Variants in VPS8 observed in about 807,000 individuals in gnomAD.
The protein encoded by VPS8 is vacuolar protein sorting-associated protein 8 homolog.
A neutral mutation model predicts 216.4 loss-of-function variants in VPS8; 129 were observed. The observed-to-expected ratio is 0.60, with a 90% confidence interval of 0.52 to 0.69. The LOEUF (loss-of-function observed/expected upper bound fraction) is 0.69, where lower values mean the gene tolerates loss of function less well. Ranked by LOEUF, VPS8 falls within the 30% of genes least tolerant of loss-of-function variation. The probability of loss-of-function intolerance (pLI) is 0.00; values close to 1 mark genes in which losing one functional copy is unlikely to be tolerated. For missense variants in VPS8, 1,531 were observed against 1,683.5 expected (o/e 0.91, Z 1.59); for synonymous variants, 571 against 565.4 (o/e 1.01, Z -0.14).
At chr3:184,999,974 T>A (rs1485610110) in intron 45 of VPS8, 113 bp downstream of exon 45, 1 of 1,188,864 alleles carries the variant, frequency 8.4e-7, no homozygotes, top group East Asian at 2.6e-5. Flanking sequence ...CTGGTGGGTA[T>A]TGGGTACATG....
intron 28 of VPS8, among the ~76,000 whole-genome samples, chr3:184,919,601 G>A (rs1738250641): frequency 6.6e-6 from 1 of 152,102 alleles, no homozygotes; most frequent in African/African-American, 2.4e-5. Context: ...AGTGTTTTGA[G>A]AATAGTAAGT....
chr3:185,038,906 G>A (rs9869435), intron 46 of VPS8, among the ~76,000 whole-genome samples: 44,427 of 152,096 alleles, frequency 0.29, 9,579 homozygotes, highest in African/African-American at 0.61. Flanking sequence ...ACAGCCTCCA[G>A]GGTAGAGCTT....
chr3:184,851,911 A>G (rs1724345604), intron 10 of VPS8, among the ~76,000 whole-genome samples: 1 of 152,242 alleles, frequency 6.6e-6, no homozygotes, highest in South Asian at 2.1e-4. Context: ...CATTGTGAAC[A>G]TGACTTATTA....
chr3:184,900,931 G>A lies in VPS8; in HGVS notation c.2105G>A (p.Arg702Lys), dbSNP rs757565104. ...TTAATTTTAATGCAGAAACTTTTCA[G>A]AGTCATTGCTCCTCCTCTGAATGCA... Reference protein sequence around the residue: ...EFISPMEKLFRVIAPPLNAGK... With the variant: ...EFISPMEKLFKVIAPPLNAGK... Residue 702 changes from arginine to lysine, a missense_variant, in exon 25 of 48, where the codon AGA becomes AAA. By Grantham distance (26) the Arg-to-Lys change is conservative (BLOSUM62 2). Transcript: ENST00000625842. 1.2e-6 allele frequency: 2 copies of A among 1,604,264 alleles called. No individual in the cohort carries two copies. The highest frequency in any genetic ancestry group is 1.7e-6 in the Non-Finnish European group (2 of 1,177,750).
chr3:184,975,744 A>G (rs1577036832), intron 40 of VPS8, among the ~76,000 whole-genome samples: 2 of 152,010 alleles, frequency 1.3e-5, no homozygotes, highest in South Asian at 4.1e-4. Flanking sequence ...TAATTTATTG[A>G]GATTTGTATC....
At position 185,029,680 on chromosome 3, in the gene VPS8, G is replaced by A. The variant is rs183792668; in HGVS notation, c.4056+5291G>A. ...CCCAGGTTCAAGCAGTTCTGCTGCT[G>A]CAGCCTCCCAAGTAGCTGGGACAAG... On this transcript the variant is annotated intron_variant, in intron 46 of 47. Transcript: ENST00000625842. 6.6e-3 allele frequency among the ~76,000 whole-genome samples: 995 copies of A among 151,660 alleles called. 12 individuals carry two copies. Among genetic ancestry groups the A allele is most frequent in the African/African-American group, 0.023 (958 of 41,330 alleles).
chr3:184,934,025 A>G (rs1741171652), intron 34 of VPS8, among the ~76,000 whole-genome samples: 1 of 152,228 alleles, frequency 6.6e-6, no homozygotes, highest in African/African-American at 2.4e-5. Flanking sequence ...GAATCTATCA[A>G]TAATTTTGAA....
At chr3:184,877,539 G>T (rs1729489358) in intron 21 of VPS8, among the ~76,000 whole-genome samples, 1 of 152,092 alleles carries the variant, frequency 6.6e-6, no homozygotes, top group South Asian at 2.1e-4. Flanking sequence ...ATGCCTGATG[G>T]CTATCTTATT....
chr3:185,051,806 A>G, intron 47 of VPS8, 70 bp from the exon 48 acceptor site: 1 of 1,469,734 alleles, frequency 6.8e-7, no homozygotes, highest in South Asian at 1.4e-5. Context: ...TATCTGAAGC[A>G]GTGGATTCAG....
In VPS8 at chr3:184,853,932, G is replaced by A; in HGVS notation, c.897G>A (p.Glu299=). 1 of 1,612,690 alleles carries A rather than the reference G, an allele frequency of 6.2e-7. No homozygotes were observed. Among genetic ancestry groups the A allele is most frequent in the Non-Finnish European group, 8.5e-7 (1 of 1,179,364 alleles). ...CCAAGGGTGAAGTCTGCTGTATTGA[G>A]CCTCTGCATTCTAAGCCTGAGTTGA... is the stretch of plus-strand genomic sequence containing the variant. The part of the protein sequence containing the change: ...SGSKGEVCCI[E]PLHSKPELKD... The change falls in exon 12 of 48, where the codon GAG becomes GAA. Residue 299 remains glutamate (E), a synonymous_variant. Coordinates refer to ENST00000625842, the MANE Select transcript of VPS8 (RefSeq NM_001009921.3).
intron 36 of VPS8, among the ~76,000 whole-genome samples, chr3:184,948,867 A>G (rs939841099): frequency 2.7e-4 from 41 of 152,350 alleles, no homozygotes; most frequent in African/African-American, 9.4e-4. Flanking sequence ...TGATGTGGTT[A>G]TAGAGCTAAA....
Position 184,915,004 on chromosome 3 carries a change from A to G in VPS8, c.2213A>G (p.Tyr738Cys), listed in dbSNP as rs200465302. ...YISCCLAGRA[Y>C]PLGDIPEDLV... Reference sequence around the variant, plus strand: ...AGCTGTTGTCTAGCAGGTCGTGCCTATCCCCTTGGTGACATCCCTGAAGAT... The same window carrying G: ...AGCTGTTGTCTAGCAGGTCGTGCCTGTCCCCTTGGTGACATCCCTGAAGAT... The change falls in exon 27 of 48, where the codon TAT becomes TGT. Residue 738 changes from tyrosine to cysteine, a missense_variant. This residue lies in a region of VPS8 where 1,318 missense variants were observed against 1,468.4 expected (regional missense o/e 0.90). Transcript: ENST00000625842. 74 of 1,613,896 alleles carry G rather than the reference A, an allele frequency of 4.6e-5. 1 individual carries two copies. Among genetic ancestry groups the G allele is most frequent in the South Asian group, 1.2e-4 (11 of 91,088 alleles).
intron 45 of VPS8, among the ~76,000 whole-genome samples, chr3:185,010,538 T>C (rs1577146842): frequency 6.6e-6 from 1 of 151,992 alleles, no homozygotes; most frequent in South Asian, 2.1e-4. Flanking sequence ...AATGGAAATA[T>C]GGAAGTTACA....
intron 15 of VPS8, among the ~76,000 whole-genome samples, chr3:184,861,754 T>TA (rs1398602061): frequency 6.6e-6 from 1 of 152,222 alleles, no homozygotes; most frequent in African/African-American, 2.4e-5. Context: ...CAGGAATAAT[T>TA]ACTAAACTTA....
At chr3:184,859,537 C>T (rs903786975) in intron 14 of VPS8, among the ~76,000 whole-genome samples, 1 of 152,144 alleles carries the variant, frequency 6.6e-6, no homozygotes, top group African/African-American at 2.4e-5. Flanking sequence ...TCATAGTATA[C>T]ATTTTCCATG....
chr3:184,858,980 C>T (rs1725787781), intron 14 of VPS8, among the ~76,000 whole-genome samples: 1 of 152,130 alleles, frequency 6.6e-6, no homozygotes, highest in Non-Finnish European at 1.5e-5. Context: ...CCATTAAAAG[C>T]TTTGCTCTTG....
intron 39 of VPS8, among the ~76,000 whole-genome samples, chr3:184,968,487 A>G (rs1317895745): frequency 6.6e-6 from 1 of 152,176 alleles, no homozygotes. Flanking sequence ...TTCATTTTAC[A>G]TTCCCACCAA....
At chr3:184,918,770 C>T (rs963227105) in intron 28 of VPS8, among the ~76,000 whole-genome samples, 1 of 152,100 alleles carries the variant, frequency 6.6e-6, no homozygotes, top group African/African-American at 2.4e-5. Context: ...CCCTTTGTAC[C>T]TGCAGAGTAT....
At chr3:185,035,264 C>T (rs1177566516) in intron 46 of VPS8, among the ~76,000 whole-genome samples, 1 of 152,032 alleles carries the variant, frequency 6.6e-6, no homozygotes, top group Non-Finnish European at 1.5e-5. Flanking sequence ...TCCATGAAGC[C>T]AGCATCAACC....
Sources: gnomAD v4.1 joint callset for allele counts (sites outside exome capture counted in the v4.1 genomes callset) on GRCh38, gnomAD v4.1.1 for gene constraint, gnomAD v4.1.1 regional missense constraint, MANE v1.5 for transcripts, NCBI Gene and HGNC (gene_info 2026-07-23, HGNC 2026-07-21) for gene names.